Variants in SHTN1 observed in about 807,000 individuals in gnomAD.
SHTN1 encodes the protein shootin 1.
In SHTN1, 42 loss-of-function variants were observed where a neutral mutation model predicts 83.1. The ratio of observed to expected loss-of-function variants is 0.51; its 90% CI spans 0.39 to 0.65. The LOEUF (loss-of-function observed/expected upper bound fraction) is 0.65, where lower values mean the gene tolerates loss of function less well. Ranked by LOEUF, SHTN1 falls within the 30% of genes least tolerant of loss-of-function variation. The probability of loss-of-function intolerance (pLI) is 0.00; values close to 1 mark genes in which losing one functional copy is unlikely to be tolerated. For synonymous variants in SHTN1, 224 were observed against 247.7 expected (o/e 0.90, Z 0.90); for missense variants, 622 against 737.8 (o/e 0.84, Z 1.82).
In SHTN1 at chr10:116,940,658, T is replaced by A. The variant is rs528910998; in HGVS notation, c.712-46A>T. On this transcript the variant is annotated intron_variant, in intron 8 of 16. Transcript: ENST00000355371. ...AATGTATATATCAATCAATCTCACA[T>A]ACCTCCTCAACTGTAACTTCAGCAA... The A allele has an allele frequency of 1.9e-4, 272 of 1,465,814 alleles. 3 individuals are homozygous for A. In the South Asian group the frequency reaches 2.1e-3, roughly 11 times the overall value. The allele number at this position is 1,465,814 out of a possible 1,614,324, so 90.8% of individuals were successfully genotyped here.
chr10:117,068,212 T>G (rs1266583077), intron 1 of SHTN1, among the ~76,000 whole-genome samples: 1 of 152,090 alleles, frequency 6.6e-6, no homozygotes, highest in Non-Finnish European at 1.5e-5. Flanking sequence ...GCCATCATAG[T>G]GAAACACCAT....
intron 7 of SHTN1, among the ~76,000 whole-genome samples, chr10:116,947,941 T>A (rs1200876719): frequency 6.6e-6 from 1 of 152,130 alleles, no homozygotes; most frequent in African/African-American, 2.4e-5. Flanking sequence ...AGGTCCTTTA[T>A]TTACAAAAAA....
chr10:117,021,434 A>C (rs1179185866), intron 2 of SHTN1, among the ~76,000 whole-genome samples: 1 of 152,216 alleles, frequency 6.6e-6, no homozygotes. Context: ...CACCATGTTG[A>C]TAATGGTAAG....
At chr10:117,021,788 T>C (rs1032127508) in intron 2 of SHTN1, among the ~76,000 whole-genome samples, 2 of 152,176 alleles carry the variant, frequency 1.3e-5, no homozygotes, top group African/African-American at 2.4e-5. Flanking sequence ...AACAAATTAA[T>C]AGATAAACAA....
At chr10:117,046,250 T>TA (rs1852662574) in intron 2 of SHTN1, among the ~76,000 whole-genome samples, 1 of 151,844 alleles carries the variant, frequency 6.6e-6, no homozygotes, top group African/African-American at 2.4e-5. Flanking sequence ...GAAGCTAGGG[T>TA]AAAAAATGGC....
At chr10:117,040,533 C>T (rs1345374537) in intron 2 of SHTN1, among the ~76,000 whole-genome samples, 1 of 152,106 alleles carries the variant, frequency 6.6e-6, no homozygotes. Context: ...AATATTGGTC[C>T]AGTAATTATA....
intron 2 of SHTN1, among the ~76,000 whole-genome samples, chr10:117,032,204 C>T (rs1388930054): frequency 6.6e-6 from 1 of 151,966 alleles, no homozygotes; most frequent in African/African-American, 2.4e-5. Context: ...GAAGATGTAA[C>T]AATTTTTTTT....
intron 1 of SHTN1, among the ~76,000 whole-genome samples, chr10:117,001,506 A>G (rs1413325802): frequency 6.6e-6 from 1 of 152,142 alleles, no homozygotes. Flanking sequence ...GGCTGCTGTC[A>G]GCTTTGTGGT....
intron 13 of SHTN1, among the ~76,000 whole-genome samples, chr10:116,912,564 T>G (rs75879841): frequency 0.023 from 3,453 of 152,242 alleles, 126 homozygotes; most frequent in African/African-American, 0.078. Context: ...ATGGACAAAA[T>G]AATCTGAAGT....
intron 1 of SHTN1, among the ~76,000 whole-genome samples, chr10:116,990,679 G>C (rs1049907651): frequency 9.2e-5 from 14 of 152,004 alleles, no homozygotes; most frequent in African/African-American, 3.4e-4. Flanking sequence ...GTCATAAAGA[G>C]GCTTATTGTT....
At chr10:116,918,467 T>C (rs1393906066) in intron 12 of SHTN1, among the ~76,000 whole-genome samples, 1 of 152,008 alleles carries the variant, frequency 6.6e-6, no homozygotes, top group Non-Finnish European at 1.5e-5. Flanking sequence ...TTAAAGGTAA[T>C]TAAAAAAAAA....
intron 9 of SHTN1, among the ~76,000 whole-genome samples, chr10:116,938,390 G>A (rs1849249248): frequency 1.3e-5 from 2 of 152,184 alleles, no homozygotes; most frequent in African/African-American, 4.8e-5. Flanking sequence ...ATTCCTTTCT[G>A]TTTGTTAGTT....
At chr10:116,903,437 A>T (rs894630043) in intron 15 of SHTN1, among the ~76,000 whole-genome samples, 40 of 151,982 alleles carry the variant, frequency 2.6e-4, no homozygotes, top group African/African-American at 9.2e-4. Flanking sequence ...AGGCAAGAGA[A>T]TCGCTTGAAC....
At chr10:116,980,406 A>G (rs1404859053) in intron 1 of SHTN1, among the ~76,000 whole-genome samples, 1 of 151,984 alleles carries the variant, frequency 6.6e-6, no homozygotes, top group Non-Finnish European at 1.5e-5. Context: ...TGATCCTCTC[A>G]CCTCAGCCTC....
At chr10:117,016,163 T>C (rs1047440344) in intron 2 of SHTN1, among the ~76,000 whole-genome samples, 1 of 152,200 alleles carries the variant, frequency 6.6e-6, no homozygotes, top group Admixed American at 6.5e-5. Context: ...TGTAAAAGAA[T>C]GGCATTCTTT....
intron 14 of SHTN1, among the ~76,000 whole-genome samples, chr10:116,909,207 A>G (rs1848092489): frequency 6.6e-6 from 1 of 152,188 alleles, no homozygotes; most frequent in Non-Finnish European, 1.5e-5. Context: ...TAGATTTCCC[A>G]AGTCCCAAAC....
At chr10:117,084,519 A>C (rs1467737533) in intron 1 of SHTN1, among the ~76,000 whole-genome samples, 2 of 152,200 alleles carry the variant, frequency 1.3e-5, no homozygotes, top group Non-Finnish European at 2.9e-5. Flanking sequence ...CCAGAGGTGG[A>C]GCCTACAGAG....
At chr10:116,972,070 G>C (rs1708278003) in intron 2 of SHTN1, among the ~76,000 whole-genome samples, 1 of 152,176 alleles carries the variant, frequency 6.6e-6, no homozygotes, top group Non-Finnish European at 1.5e-5. Context: ...AAAAACGTCA[G>C]GTCCACGCTC....
chr10:117,005,516 CCA>C (rs1851988933), upstream of SHTN1: 1 of 1,002,558 alleles, frequency 1.0e-6, no homozygotes. Context: ...TGTGGGAACT[CCA>C]CTTTGGACGC....
Sources: allele counts gnomAD v4.1 joint callset (sites outside exome capture counted in the v4.1 genomes callset), GRCh38; gene constraint gnomAD v4.1.1; transcripts MANE v1.5; gene names NCBI Gene and HGNC (gene_info 2026-07-23, HGNC 2026-07-21).